RBMS2: variants seen among roughly 807,000 people sequenced by gnomAD.
The protein encoded by RBMS2 is RNA-binding motif, single-stranded-interacting protein 2.
A neutral mutation model predicts 58.4 loss-of-function variants in RBMS2; 38 were observed. The observed-to-expected ratio is 0.65, with a 90% CI of 0.50 to 0.85. RBMS2 has a LOEUF of 0.85. RBMS2 is among the 40% of genes least tolerant of loss of function. The pLI is 0.00. For missense variants in RBMS2, 367 were observed against 503.7 expected, an observed-to-expected ratio of 0.73 and a Z score of 2.60; for synonymous variants, 151 against 180.7, an observed-to-expected ratio of 0.84 and a Z score of 1.32.
chr12:56,531,760 G>C (rs1344915460), intron 1 of RBMS2, among the ~76,000 whole-genome samples: 1 of 148,986 alleles, frequency 6.7e-6, no homozygotes, highest in Admixed American at 6.7e-5. Flanking sequence ...AGAGGCTGCA[G>C]TGAGCCGAGA....
chr12:56,537,512 T>C (rs1452761055), intron 1 of RBMS2, among the ~76,000 whole-genome samples: 1 of 152,228 alleles, frequency 6.6e-6, no homozygotes, highest in Non-Finnish European at 1.5e-5. Context: ...GTAGCTTGTG[T>C]CAGTGTTTCC....
At chr12:56,577,765 C>T (rs1883352991) in intron 5 of RBMS2, among the ~76,000 whole-genome samples, 1 of 152,110 alleles carries the variant, frequency 6.6e-6, no homozygotes, top group African/African-American at 2.4e-5. Context: ...TCATGGCAAC[C>T]TCTGCCTCCC....
chr12:56,592,999 G>A lies in RBMS2; in HGVS notation c.*3866G>A, dbSNP rs1885414932. The A allele has an allele frequency of 1.3e-5, 2 of 152,004 alleles. No individual in the cohort carries two copies. 9.4% of individuals were successfully genotyped at this position (152,004 alleles called of 1,614,324 possible). Reference sequence around the variant, plus strand: ...TTATTTTAAGTTTTTGTAGAGACAGGGGTCTTACTATGTTGCCCAGACTGG... The same window carrying A: ...TTATTTTAAGTTTTTGTAGAGACAGAGGTCTTACTATGTTGCCCAGACTGG... On this transcript the variant is annotated 3_prime_UTR_variant, in exon 14 of 14. Coordinates refer to ENST00000262031, the MANE Select transcript of RBMS2 (RefSeq NM_002898.4).
At chr12:56,545,643 C>T (rs1877023772) in intron 1 of RBMS2, among the ~76,000 whole-genome samples, 1 of 152,088 alleles carries the variant, frequency 6.6e-6, no homozygotes, top group South Asian at 2.1e-4. Flanking sequence ...TATAGATTGC[C>T]CTATTCTGGA....
chr12:56,582,010 C>T, intron 8 of RBMS2, 49 bp from the exon 9 acceptor site: 1 of 1,566,758 alleles, frequency 6.4e-7, no homozygotes, highest in Non-Finnish European at 8.7e-7. Flanking sequence ...TGGGACCCTT[C>T]CCTTGTGGTT....
At chr12:56,560,871 C>A (rs988761617) in intron 1 of RBMS2, among the ~76,000 whole-genome samples, 3 of 152,020 alleles carry the variant, frequency 2.0e-5, no homozygotes, top group Non-Finnish European at 1.5e-5. Flanking sequence ...AGTTATTAAG[C>A]CTCATGACCT....
chr12:56,581,282 A>G lies in RBMS2; in HGVS notation c.622+19A>G, dbSNP rs1883905862. On this transcript the variant is annotated intron_variant, in intron 6 of 13. Transcript: ENST00000262031. ...GTACCAGGTGAGGCATCTGGGGCTC[A>G]GGCTGAGAGGGCCACAGGTTGTTAC... The G allele has an allele frequency of 6.3e-7, 1 of 1,588,988 alleles. No individual in the cohort carries two copies. Among genetic ancestry groups the G allele is most frequent in the African/African-American group, 1.3e-5 (1 of 74,318 alleles).
At position 56,582,278 on chromosome 12, in the gene RBMS2, A is replaced by G. The variant is rs1368644498; in HGVS notation, c.873+126A>G. On this transcript the variant is annotated intron_variant, in intron 9 of 13. Transcript: ENST00000262031. ...TTAATCATATTACACACAATTTTAC[A>G]TAACAGCGTAAAAGATGATCTGTGC... 5 of 796,814 alleles carry G rather than the reference A, an allele frequency of 6.3e-6. No homozygotes were observed. In the African/African-American group the frequency reaches 8.7e-5, roughly 14 times the overall value. The allele number at this position is 796,814 out of a possible 1,614,324, so 49.4% of individuals were successfully genotyped here.
chr12:56,557,895 C>A (rs1409940136), intron 1 of RBMS2, among the ~76,000 whole-genome samples: 1 of 151,646 alleles, frequency 6.6e-6, no homozygotes, highest in East Asian at 2.0e-4. Flanking sequence ...TGCACCACCA[C>A]GCCCGGCTAA....
intron 4 of RBMS2, among the ~76,000 whole-genome samples, chr12:56,570,803 T>C (rs1882170214): frequency 6.6e-6 from 1 of 152,174 alleles, no homozygotes; most frequent in African/African-American, 2.4e-5. Context: ...GGTCTCGATC[T>C]CCTGACGTTG....
At position 56,572,759 on chromosome 12, in the gene RBMS2, A is replaced by T. The variant is rs576186350; in HGVS notation, c.542+904A>T. ...TCCTTCTGGCTTTGAGAGCAGTAGG[A>T]TGAGGTAGAAGTTTTGATCTTCCTT... On this transcript the variant is annotated intron_variant, in intron 5 of 13. Coordinates refer to ENST00000262031, the MANE Select transcript of RBMS2 (RefSeq NM_002898.4). The T allele has an allele frequency of 3.1e-5, 31 of 984,590 alleles. No homozygotes were observed. In the African/African-American group the frequency reaches 5.1e-4, roughly 16 times the overall value. 61.0% of individuals were successfully genotyped at this position (984,590 alleles called of 1,614,324 possible).
At chr12:56,566,821 A>G (rs932826631) in intron 2 of RBMS2, among the ~76,000 whole-genome samples, 1 of 152,186 alleles carries the variant, frequency 6.6e-6, no homozygotes, top group East Asian at 1.9e-4. Flanking sequence ...TCTGTTTCAG[A>G]AAACAAAAAG....
intron 1 of RBMS2, among the ~76,000 whole-genome samples, chr12:56,550,990 C>T (rs1179402355): frequency 6.6e-6 from 1 of 151,546 alleles, no homozygotes; most frequent in East Asian, 1.9e-4. Context: ...TGGTGGCATG[C>T]ATCTGTATTC....
intron 1 of RBMS2, among the ~76,000 whole-genome samples, chr12:56,524,558 G>C (rs1872307333): frequency 6.6e-6 from 1 of 151,462 alleles, no homozygotes; most frequent in Admixed American, 6.6e-5. Flanking sequence ...GGAACTACAG[G>C]AGTGCCACCA....
intron 5 of RBMS2, among the ~76,000 whole-genome samples, chr12:56,574,841 C>CA (rs1882865158): frequency 6.6e-6 from 1 of 152,024 alleles, no homozygotes; most frequent in Non-Finnish European, 1.5e-5. Flanking sequence ...ATACACAAAT[C>CA]ATTCATTTAA....
At chr12:56,539,598 G>A in intron 1 of RBMS2, 1 of 407,540 alleles carries the variant, frequency 2.5e-6, no homozygotes, top group South Asian at 1.8e-5. Flanking sequence ...TTTCCCTGGA[G>A]TTAATAATTA....
intron 5 of RBMS2, among the ~76,000 whole-genome samples, chr12:56,577,157 A>G (rs1469842496): frequency 1.3e-5 from 2 of 151,914 alleles, no homozygotes; most frequent in African/African-American, 4.8e-5. Flanking sequence ...TAAGCCCAGC[A>G]CTTTGGGAGG....
At chr12:56,556,016 G>T (rs1879167673) in intron 1 of RBMS2, among the ~76,000 whole-genome samples, 1 of 151,220 alleles carries the variant, frequency 6.6e-6, no homozygotes, top group South Asian at 2.1e-4. Context: ...CAGCACTCCA[G>T]CCTGGAAGAC....
At chr12:56,527,038 G>A (rs937801814) in intron 1 of RBMS2, among the ~76,000 whole-genome samples, 1 of 152,136 alleles carries the variant, frequency 6.6e-6, no homozygotes, top group African/African-American at 2.4e-5. Context: ...ATGAAAGTAA[G>A]GCTGACTGGT....
Sources: allele counts gnomAD v4.1 joint callset (sites outside exome capture counted in the v4.1 genomes callset), GRCh38; gene constraint gnomAD v4.1.1; transcripts MANE v1.5; gene names NCBI Gene and HGNC (gene_info 2026-07-23, HGNC 2026-07-21).